Variants in TNFRSF1B observed in about 807,000 individuals in gnomAD.
The protein encoded by TNFRSF1B is TNF receptor superfamily member 1B, also known as tumor necrosis factor receptor superfamily member 1B.
A neutral mutation model predicts 44.6 loss-of-function variants in TNFRSF1B; 19 were observed. The observed-to-expected ratio is 0.43, with a 90% CI of 0.30 to 0.62. The LOEUF is 0.62. Ranked by LOEUF, TNFRSF1B falls within the 20% of genes least tolerant of loss-of-function variation. The pLI, the probability that TNFRSF1B is intolerant of heterozygous loss-of-function variation, is 0.16. For synonymous variants in TNFRSF1B, 252 were observed against 261.1 expected (o/e 0.97, Z 0.34); for missense variants, 541 against 619.9 (o/e 0.87, Z 1.35).
rs753752076 is a variant in TNFRSF1B, at chr1:12,206,979, C to T, written c.1345C>T (p.Leu449=). The change falls in exon 10 of 10, where the codon CTG becomes TTG. Residue 449 remains leucine (L), a synonymous_variant. Coordinates refer to ENST00000376259, the MANE Select transcript of TNFRSF1B (RefSeq NM_001066.3). ...TLLGSTEEKP[L]PLGVPDAGMK... ...GCTGGGGAGCACCGAAGAGAAGCCC[C>T]TGCCCCTTGGAGTGCCTGATGCTGG... is the stretch of plus-strand genomic sequence containing the variant. The T allele has an allele frequency of 2.5e-6, 4 of 1,607,428 alleles. No individual in the cohort carries two copies. The East Asian group carries it at 8.9e-5, about 36-fold the overall frequency.
In TNFRSF1B at chr1:12,178,261, T is replaced by G. The variant is rs1233653767; in HGVS notation, c.79-10535T>G. Among the ~76,000 whole-genome samples, 2 of 152,216 alleles carry G rather than the reference T, an allele frequency of 1.3e-5. No individual in the cohort carries two copies. Among genetic ancestry groups the G allele is most frequent in the African/African-American group, 4.8e-5 (2 of 41,452 alleles). ...TTCGGCATCGATGAGACGCCAGCTG[T>G]GGGCTGTGTGCTGGCTGTGTGTAGG... On this transcript the variant is annotated intron_variant, in intron 1 of 9. Transcript: ENST00000376259. The surrounding 1 kb of genome is among the most constrained non-coding windows in gnomAD (Gnocchi z 4.3).
intron 1 of TNFRSF1B, among the ~76,000 whole-genome samples, chr1:12,167,907 T>C (rs955680117): frequency 2.0e-4 from 30 of 152,188 alleles, no homozygotes; most frequent in Admixed American, 7.9e-4. Context: ...CTAGGGCTCC[T>C]ATTCAATATG....
chr1:12,189,357 C>T (rs1639059832), intron 2 of TNFRSF1B, among the ~76,000 whole-genome samples: 1 of 152,236 alleles, frequency 6.6e-6, no homozygotes, highest in African/African-American at 2.4e-5. Flanking sequence ...TTCCTGTTGC[C>T]TCCACTGTGT....
intron 1 of TNFRSF1B, among the ~76,000 whole-genome samples, chr1:12,174,208 C>T (rs974343721): frequency 1.3e-4 from 18 of 134,574 alleles, no homozygotes; most frequent in African/African-American, 2.4e-4. Flanking sequence ...TTCTCCTTCT[C>T]CTTCTCCTTC....
chr1:12,191,764 G>C lies in TNFRSF1B; in HGVS notation c.308-10G>C. The C allele has an allele frequency of 6.2e-7, 1 of 1,613,144 alleles. No individual in the cohort carries two copies. The highest frequency in any genetic ancestry group is 8.5e-7 in the Non-Finnish European group (1 of 1,179,690). ...AGGCGTGACCGTTTGCCGCCCTCTCGCTGCTCTAGACCAGGTGGAAACTCA... is the reference window on the plus strand; with the variant it reads ...AGGCGTGACCGTTTGCCGCCCTCTCCCTGCTCTAGACCAGGTGGAAACTCA... On this transcript the variant is annotated splice_polypyrimidine_tract_variant and intron_variant, in intron 3 of 9. Transcript: ENST00000376259.
rs1441543752 is a variant in TNFRSF1B, at chr1:12,184,692, TCTTTCCCATCAGGCC to T, written c.79-4099_79-4085del. Reference sequence around the variant, plus strand: ...AGCCCAAACTTGGCCACGGCAGGGCTCTTTCCCATCAGGCCCTTTGAGCCCTGATGGGAAACCCTT... The same window carrying T: ...AGCCCAAACTTGGCCACGGCAGGGCTCTTTGAGCCCTGATGGGAAACCCTT... On this transcript the variant is annotated intron_variant, in intron 1 of 9. Transcript: ENST00000376259. Among the ~76,000 whole-genome samples, 3 of 152,306 alleles carry T rather than the reference TCTTTCCCATCAGGCC, an allele frequency of 2.0e-5. No individual in the cohort carries two copies. The East Asian group carries it at 5.8e-4, about 29-fold the overall frequency.
chr1:12,200,380 C>G (rs528089651), intron 8 of TNFRSF1B, among the ~76,000 whole-genome samples: 2 of 152,094 alleles, frequency 1.3e-5, no homozygotes, highest in African/African-American at 4.8e-5. Flanking sequence ...CGTGAGCGCT[C>G]TCTGCCCCGG....
intron 6 of TNFRSF1B, among the ~76,000 whole-genome samples, chr1:12,193,528 G>A (rs185025933): frequency 2.8e-4 from 43 of 152,326 alleles, no homozygotes; most frequent in Non-Finnish European, 5.4e-4. Flanking sequence ...AGCTCTGATC[G>A]TGCCACTGCA....
At chr1:12,192,074 C>A in intron 4 of TNFRSF1B, 151 bp downstream of exon 4, 1 of 1,119,848 alleles carries the variant, frequency 8.9e-7, no homozygotes. Context: ...GTCTGTCCAC[C>A]TGTCCACCGT....
chr1:12,191,335 A>G (rs542781729), intron 3 of TNFRSF1B, among the ~76,000 whole-genome samples: 1 of 152,182 alleles, frequency 6.6e-6, no homozygotes, highest in African/African-American at 2.4e-5. Flanking sequence ...GGTGCGTGGG[A>G]GAGTGGTGCG....
chr1:12,194,905 T>C (rs757758772), intron 8 of TNFRSF1B, among the ~76,000 whole-genome samples: 3 of 152,268 alleles, frequency 2.0e-5, no homozygotes, highest in Non-Finnish European at 4.4e-5. Flanking sequence ...GAAATTGCTC[T>C]ATGGCTACTT....
At chr1:12,193,397 G>A (rs5746030) in intron 6 of TNFRSF1B, among the ~76,000 whole-genome samples, 9 of 152,194 alleles carry the variant, frequency 5.9e-5, no homozygotes, top group African/African-American at 2.2e-4. Context: ...GTAACACAGC[G>A]AGACTCCATC....
intron 2 of TNFRSF1B, among the ~76,000 whole-genome samples, chr1:12,190,458 C>CAAAAA (rs4044499): frequency 0.12 from 7,656 of 61,350 alleles, 678 homozygotes; most frequent in Non-Finnish European, 0.16. Flanking sequence ...GATTCTGTCT[C>CAAAAA]AAAAAAAAAA....
rs1639005766 is a variant in TNFRSF1B, at chr1:12,187,169, TC to T, written c.79-1626del. On this transcript the variant is annotated intron_variant, in intron 1 of 9. Transcript: ENST00000376259. This position sits in a 1 kb window ranked among gnomAD's most constrained non-coding sequence, Gnocchi z 5.5. Reference sequence around the variant, plus strand: ...TTTCTCCCCTCTTTTTTTTTTTTTTTCGAGATGGAGTTTTGCTCTGTCAATT... The same window carrying T: ...TTTCTCCCCTCTTTTTTTTTTTTTTTGAGATGGAGTTTTGCTCTGTCAATT... 1.3e-5 allele frequency among the ~76,000 whole-genome samples: 2 copies of T among 151,500 alleles called. No individual in the cohort carries two copies. The highest frequency in any genetic ancestry group is 4.2e-4 in the South Asian group (2 of 4,780).
At chr1:12,183,392 A>G (rs937236348) in intron 1 of TNFRSF1B, among the ~76,000 whole-genome samples, 16 of 151,964 alleles carry the variant, frequency 1.1e-4, no homozygotes, top group Admixed American at 7.2e-4. Flanking sequence ...GACCTGCCTC[A>G]CCAATTGGAA....
rs1467949188 is a variant in TNFRSF1B, at chr1:12,169,850, C to T, written c.78+2681C>T. 2.6e-5 allele frequency among the ~76,000 whole-genome samples: 4 copies of T among 152,204 alleles called. No individual in the cohort carries two copies. The highest frequency in any genetic ancestry group is 9.7e-5 in the African/African-American group (4 of 41,448). On this transcript the variant is annotated intron_variant, in intron 1 of 9. Coordinates refer to ENST00000376259, the MANE Select transcript of TNFRSF1B (RefSeq NM_001066.3). The surrounding 1 kb of genome is among the most constrained non-coding windows in gnomAD (Gnocchi z 4.5). ...CTGTCTGGGGAGGAGGATGAGGGGT[C>T]TCTGCCTGATGGGCCTGGCCCACCT...
intron 1 of TNFRSF1B, among the ~76,000 whole-genome samples, chr1:12,174,032 C>T (rs949116908): frequency 2.6e-5 from 4 of 152,114 alleles, no homozygotes; most frequent in East Asian, 3.9e-4. Context: ...GGGCTGTTGG[C>T]GGCGCATCCC....
At chr1:12,193,836 T>G (rs1639206292) in intron 6 of TNFRSF1B, 119 bp from the exon 7 acceptor site, 1 of 736,344 alleles carries the variant, frequency 1.4e-6, no homozygotes, top group Admixed American at 2.2e-5. Flanking sequence ...ATCTCCGGCC[T>G]AGACTCGCCC....
At chr1:12,181,173 C>T (rs548694221) in intron 1 of TNFRSF1B, among the ~76,000 whole-genome samples, 1 of 152,258 alleles carries the variant, frequency 6.6e-6, no homozygotes, top group East Asian at 1.9e-4. Context: ...AGGATGGAGG[C>T]CCCCTCCTTT....
Sources: gnomAD v4.1 joint callset for allele counts (sites outside exome capture counted in the v4.1 genomes callset) on GRCh38, gnomAD v4.1.1 for gene constraint, Gnocchi (gnomAD v3.1) non-coding constraint, MANE v1.5 for transcripts, NCBI Gene and HGNC (gene_info 2026-07-23, HGNC 2026-07-21) for gene names.